AP4M1: variants seen among roughly 807,000 people sequenced by gnomAD.
The protein encoded by AP4M1 is AP-4 complex subunit mu-1.
Under a neutral mutation model 62.4 loss-of-function variants are expected in AP4M1, and 58 were observed. The ratio of observed to expected loss-of-function variants is 0.93; its 90% CI spans 0.75 to 1.16. The LOEUF (loss-of-function observed/expected upper bound fraction) is 1.16. AP4M1 is among the 50% of genes most tolerant of loss of function. The pLI is 0.00. For synonymous variants in AP4M1, 290 were observed against 239.7 expected, an observed-to-expected ratio of 1.21 and a Z score of -1.94; for missense variants, 626 against 585.4, an observed-to-expected ratio of 1.07 and a Z score of -0.72.
chr7:100,104,282 C>T, intron 7 of AP4M1, 128 bp downstream of exon 7: 2 of 820,248 alleles, frequency 2.4e-6, no homozygotes, highest in Non-Finnish European at 4.1e-6. Context: ...CTTTGGGAGG[C>T]CGAGGTGGGA....
In AP4M1 at chr7:100,106,638, C is replaced by T. The variant is rs1291191081; in HGVS notation, c.1138-20C>T. 6.2e-7 allele frequency: 1 copy of T among 1,605,796 alleles called. No homozygotes were observed. The highest frequency in any genetic ancestry group is 8.5e-7 in the Non-Finnish European group (1 of 1,175,822). On this transcript the variant is annotated intron_variant, in intron 14 of 14. Coordinates refer to ENST00000359593, the MANE Select transcript of AP4M1 (RefSeq NM_004722.4). ...TCAGCTTCTTGCCCTCCTTCCTCTC[C>T]CTGCCTCTGCCCCTCACAGATGGAC...
rs1796052343 is a variant in AP4M1, at chr7:100,101,756, G to A, written c.42G>A (p.Pro14=). 1.3e-6 allele frequency: 2 copies of A among 1,596,788 alleles called. No individual in the cohort carries two copies. Among genetic ancestry groups the A allele is most frequent in the Non-Finnish European group, 1.7e-6 (2 of 1,170,054 alleles). ...QFFILSSKGD[P]LIYKDFRGDS... ...TCATTCTGTCCTCCAAGGGGGACCC[G>A]CTCATCTACAAAGACTGTATCCTAG... Residue 14 remains proline, a synonymous_variant, in exon 1 of 15, where the codon CCG becomes CCA. Transcript: ENST00000359593.
chr7:100,103,903 A>G lies in AP4M1; in HGVS notation c.544-189A>G, dbSNP rs544816813. On this transcript the variant is annotated intron_variant, in intron 6 of 14. Transcript: ENST00000359593. ...CTAAAAATGCAAAAAAAAAAAAAAA[A>G]AAAGAAAAAGATCTTGGCACATCTC... Among the ~76,000 whole-genome samples the G allele has an allele frequency of 9.3e-5, 14 of 151,086 alleles. No individual in the cohort carries two copies. In the South Asian group the frequency reaches 1.7e-3, roughly 18 times the overall value.
rs1796837108 is a variant in AP4M1 at position 100,108,656 on chromosome 7, C to T, written c.*1774C>T. The T allele has an allele frequency of 1.7e-6, 2 of 1,193,494 alleles. No individual in the cohort carries two copies. Among genetic ancestry groups the T allele is most frequent in the South Asian group, 1.5e-5 (1 of 66,958 alleles). 73.9% of individuals were successfully genotyped at this position (1,193,494 alleles called of 1,614,324 possible). ...GGGGATGGGGTAAAAAAGGACATTCCTTATCATCTCAGTGCCCCTGTTGAA... is the reference window on the plus strand; with the variant it reads ...GGGGATGGGGTAAAAAAGGACATTCTTTATCATCTCAGTGCCCCTGTTGAA... On this transcript the variant is annotated 3_prime_UTR_variant, in exon 15 of 15. Transcript: ENST00000359593.
upstream of AP4M1, chr7:100,101,251 C>T (rs375959170): frequency 4.3e-6 from 7 of 1,612,988 alleles, no homozygotes; most frequent in African/African-American, 8.0e-5. Flanking sequence ...CTCCCGGGCT[C>T]GTAGACCCGT....
Position 100,105,247 on chromosome 7 carries a change from GC to G in AP4M1, c.737del (p.Pro246GlnfsTer14), listed in dbSNP as rs1191415115. 3.1e-6 allele frequency: 5 copies of G among 1,614,094 alleles called. No individual in the cohort carries two copies. Among genetic ancestry groups the G allele is most frequent in the Non-Finnish European group, 4.2e-6 (5 of 1,180,006 alleles). On this transcript the variant is annotated frameshift_variant, in exon 10 of 15. Transcript: ENST00000359593. LOFTEE classifies it high-confidence loss of function. Reference sequence around the variant, plus strand: ...CTCTCTCTCTCTTTCCAGGTTATGGGCCAGGAATCCGGGTCGATGAAGTCTC... The same window carrying G: ...CTCTCTCTCTCTTTCCAGGTTATGGGCAGGAATCCGGGTCGATGAAGTCTC... ...VGKSELRGYGPGIRVDEVSFH... is the reference protein window; with the variant it reads ...VGKSELRGYGXGIRVDEVSFH...
chr7:100,108,194 G>T lies in AP4M1; in HGVS notation c.*1312G>T. The T allele has an allele frequency of 6.7e-7, 1 of 1,494,676 alleles. No homozygotes were observed. Among genetic ancestry groups the T allele is most frequent in the Non-Finnish European group, 9.0e-7 (1 of 1,117,162 alleles). The allele number at this position is 1,494,676 out of a possible 1,614,324, so 92.6% of individuals were successfully genotyped here. A position where few individuals can be genotyped will look rare whatever the true frequency, so the allele number is the denominator to read the frequency against. ...AGAGGAGTCTGAAGGGAGAGGCCTG[G>T]GCTCCCCTCGCTCTTCCTCAGTGGC... On this transcript the variant is annotated 3_prime_UTR_variant, in exon 15 of 15. Transcript: ENST00000359593.
rs1278577500 is a variant in AP4M1 at position 100,107,997 on chromosome 7, G to A, written c.*1115G>A. On this transcript the variant is annotated 3_prime_UTR_variant, in exon 15 of 15. Coordinates refer to ENST00000359593, the MANE Select transcript of AP4M1 (RefSeq NM_004722.4). ...TTGGTTGGAGGAGGGGAAGGCTGTG[G>A]TGGGGCAGCCGCTCGTGCAGACACC... 3.7e-6 allele frequency: 6 copies of A among 1,613,924 alleles called. No homozygotes were observed. The highest frequency in any genetic ancestry group is 4.2e-6 in the Non-Finnish European group (5 of 1,180,006).
chr7:100,103,651 A>C lies in AP4M1; in HGVS notation c.502A>C (p.Ser168Arg). Residue 168 changes from serine (S) to arginine (R), a missense_variant, in exon 6 of 15, where the codon AGT (serine) becomes CGT (arginine). Coordinates refer to ENST00000359593, the MANE Select transcript of AP4M1 (RefSeq NM_004722.4). ...ETQQSKVAPS[S>R]AASRPVLSSR... ...ACAACAGAGCAAAGTGGCCCCCAGC[A>C]GTGCAGCCAGCCGCCCCGTCCTGTC... The C allele has an allele frequency of 6.2e-7, 1 of 1,613,574 alleles. No individual in the cohort carries two copies. The highest frequency in any genetic ancestry group is 8.5e-7 in the Non-Finnish European group (1 of 1,180,020).
Position 100,102,010 on chromosome 7 carries a change from G to A in AP4M1, c.147+42G>A, listed in dbSNP as rs1293750679. On this transcript the variant is annotated intron_variant, in intron 2 of 14. Coordinates refer to ENST00000359593, the MANE Select transcript of AP4M1 (RefSeq NM_004722.4). ...GGCGGGTGAGGAGCGGGGTCCCGTC[G>A]GGCCGGGTGGGCGCCAGCTCCCTCC... 2.5e-6 allele frequency: 4 copies of A among 1,604,776 alleles called. No individual in the cohort carries two copies. The African/African-American group carries it at 4.0e-5, about 16-fold the overall frequency.
upstream of AP4M1, chr7:100,101,310 T>C: frequency 6.2e-7 from 1 of 1,613,148 alleles, no homozygotes; most frequent in Non-Finnish European, 8.5e-7. Context: ...CCGAGGGCCG[T>C]GCGGCCGCGC....
In AP4M1 at chr7:100,108,486, C is replaced by G. The variant is rs770429821; in HGVS notation, c.*1604C>G. 28 of 1,613,672 alleles carry G rather than the reference C, an allele frequency of 1.7e-5. No homozygotes were observed. Among genetic ancestry groups the G allele is most frequent in the Admixed American group, 1.2e-4 (7 of 59,988 alleles). Reference sequence around the variant, plus strand: ...AGGGACCCGAATTCTGCCCGATAGGCGTCCTGATTGTCAGGCGGTGGGCGC... The same window carrying G: ...AGGGACCCGAATTCTGCCCGATAGGGGTCCTGATTGTCAGGCGGTGGGCGC... On this transcript the variant is annotated 3_prime_UTR_variant, in exon 15 of 15. Coordinates refer to ENST00000359593, the MANE Select transcript of AP4M1 (RefSeq NM_004722.4).
intron 12 of AP4M1, 87 bp downstream of exon 12, chr7:100,106,090 G>C (rs1796448979): frequency 1.3e-6 from 2 of 1,570,018 alleles, no homozygotes; most frequent in Non-Finnish European, 1.8e-6. Flanking sequence ...TTCAGATGCA[G>C]CTGCCAGCCT....
intron 7 of AP4M1, 124 bp downstream of exon 7, chr7:100,104,278 G>GATT: frequency 1.2e-6 from 1 of 854,784 alleles, no homozygotes; most frequent in Non-Finnish European, 1.9e-6. Context: ...AGTGCTTTGG[G>GATT]AGGCCGAGGT....
chr7:100,105,810 G>C, intron 11 of AP4M1, 149 bp from the exon 12 acceptor site: 4 of 994,728 alleles, frequency 4.0e-6, no homozygotes, highest in Middle Eastern at 5.0e-4. Context: ...AAAAAGCTTT[G>C]GCTAATGGAG....
intron 3 of AP4M1, 40 bp downstream of exon 3, chr7:100,102,821 G>A (rs770872997): frequency 3.7e-6 from 6 of 1,613,286 alleles, no homozygotes; most frequent in Non-Finnish European, 5.1e-6. Flanking sequence ...GCTAGGAGGG[G>A]TCTGAGAGGA....
rs780425893 is a variant in AP4M1 at position 100,108,720 on chromosome 7, A to G, written c.*1838A>G. Reference sequence around the variant, plus strand: ...TGAACTATTAGTGTGTGTACAGAACACTGTGGGCTTTCTCATAAGAAAAGA... The same window carrying G: ...TGAACTATTAGTGTGTGTACAGAACGCTGTGGGCTTTCTCATAAGAAAAGA... On this transcript the variant is annotated 3_prime_UTR_variant, in exon 15 of 15. Coordinates refer to ENST00000359593, the MANE Select transcript of AP4M1 (RefSeq NM_004722.4). 3.1e-4 allele frequency: 178 copies of G among 571,418 alleles called. 1 individual carries two copies. Among genetic ancestry groups the G allele is most frequent in the Non-Finnish European group, 4.8e-4 (164 of 339,896 alleles). The allele number at this position is 571,418 out of a possible 1,614,324, so 35.4% of individuals were successfully genotyped here. A position where few individuals can be genotyped will look rare whatever the true frequency, so the allele number is the denominator to read the frequency against.
chr7:100,103,375 C>T, intron 4 of AP4M1, 34 bp from the exon 5 acceptor site: 1 of 1,581,714 alleles, frequency 6.3e-7, no homozygotes, highest in Non-Finnish European at 8.7e-7. Context: ...CTTCCCTCCA[C>T]TGATCACTCA....
chr7:100,103,753 G>T, intron 6 of AP4M1, 61 bp downstream of exon 6: 1 of 1,574,192 alleles, frequency 6.4e-7, no homozygotes, highest in South Asian at 1.1e-5. Flanking sequence ...GGGAGTCCAA[G>T]ATCTTAGGTC....
Sources: gnomAD v4.1 joint callset for allele counts (sites outside exome capture counted in the v4.1 genomes callset) on GRCh38, gnomAD v4.1.1 for gene constraint, MANE v1.5 for transcripts, NCBI Gene and HGNC (gene_info 2026-07-23, HGNC 2026-07-21) for gene names.